Variants in GABRB2 observed in about 807,000 individuals in gnomAD.
GABRB2 encodes gamma-aminobutyric acid receptor subunit beta-2.
GABRB2 carries 16 observed loss-of-function variants against 54.7 expected under a neutral mutation model. The observed-to-expected ratio is 0.29, with a 90% CI of 0.20 to 0.44. GABRB2 has a LOEUF of 0.44. Ranked by LOEUF, GABRB2 falls within the 20% of genes least tolerant of loss-of-function variation. GABRB2 has a pLI of 1.00. For missense variants in GABRB2, 355 were observed against 644.0 expected (o/e 0.55, Z 4.86); for synonymous variants, 244 against 233.8 (o/e 1.04, Z -0.40).
intron 3 of GABRB2, among the ~76,000 whole-genome samples, chr5:161,491,448 G>A (rs1244932610): frequency 2.6e-5 from 4 of 151,602 alleles, no homozygotes; most frequent in African/African-American, 7.3e-5. Flanking sequence ...TGGGAATTAT[G>A]CAAATTAAAC....
intron 5 of GABRB2, among the ~76,000 whole-genome samples, chr5:161,402,694 A>T (rs901323977): frequency 2.0e-5 from 3 of 152,196 alleles, no homozygotes; most frequent in South Asian, 4.1e-4. Flanking sequence ...CTGCACCAGC[A>T]GTATCTGTAT....
At chr5:161,303,492 C>T (rs1757596575) in intron 9 of GABRB2, among the ~76,000 whole-genome samples, 1 of 152,036 alleles carries the variant, frequency 6.6e-6, no homozygotes, top group Non-Finnish European at 1.5e-5. Flanking sequence ...AATAATTAAT[C>T]TGATCAAGTG....
At chr5:161,459,294 A>C in intron 4 of GABRB2, 1 of 313,356 alleles carries the variant, frequency 3.2e-6, no homozygotes, top group South Asian at 3.5e-5. Context: ...TATTCAAACA[A>C]TTAGTTGGCA....
intron 5 of GABRB2, among the ~76,000 whole-genome samples, chr5:161,354,908 T>C (rs1754570656): frequency 6.6e-6 from 1 of 152,074 alleles, no homozygotes; most frequent in African/African-American, 2.4e-5. Context: ...TACTACTTTT[T>C]CCCCTGCTCT....
chr5:161,454,955 A>G (rs982325911), intron 4 of GABRB2, among the ~76,000 whole-genome samples: 1 of 152,240 alleles, frequency 6.6e-6, no homozygotes, highest in Non-Finnish European at 1.5e-5. Context: ...AACTAAGAGT[A>G]TGCTGCAATC....
intron 5 of GABRB2, among the ~76,000 whole-genome samples, chr5:161,353,986 C>T (rs766860150): frequency 7.2e-5 from 11 of 151,942 alleles, no homozygotes; most frequent in Admixed American, 1.3e-4. Context: ...TATAGAGCTA[C>T]GGTTTTACAC....
chr5:161,299,665 T>C (rs979464658), intron 9 of GABRB2, among the ~76,000 whole-genome samples: 13 of 152,204 alleles, frequency 8.5e-5, no homozygotes, highest in Middle Eastern at 3.4e-3. Flanking sequence ...CTCTTCCTCC[T>C]TCTTATTCCT....
chr5:161,400,513 A>G (rs1580952992), intron 5 of GABRB2, among the ~76,000 whole-genome samples: 1 of 152,118 alleles, frequency 6.6e-6, no homozygotes, highest in East Asian at 1.9e-4. Flanking sequence ...TTTAGATCTA[A>G]TGGGCAATTT....
Position 161,293,900 on chromosome 5 carries a change from T to C in GABRB2, c.*181A>G. The C allele has an allele frequency of 1.7e-6, 1 of 588,118 alleles. No individual in the cohort carries two copies. Among genetic ancestry groups the C allele is most frequent in the South Asian group, 2.2e-5 (1 of 45,352 alleles). The allele number at this position is 588,118 out of a possible 1,614,324, so 36.4% of individuals were successfully genotyped here. On this transcript the variant is annotated 3_prime_UTR_variant, in exon 10 of 10. Coordinates refer to ENST00000393959, the MANE Select transcript of GABRB2 (RefSeq NM_001371727.1). ...AACTGGAAAACCACAAGGACCTTAG[T>C]GTATTCATTACTTAGCAGAAGCAAC... is the stretch of plus-strand genomic sequence containing the variant.
Position 161,288,760 on chromosome 5 carries a change from T to G in GABRB2, c.*5321A>C. On this transcript the variant is annotated 3_prime_UTR_variant, in exon 10 of 10. Transcript: ENST00000393959. ...GATAATCACTACATTGTGAAGAAAC[T>G]AGAATATCACTTTTTTTTTTTATAA... 6.6e-6 allele frequency: 1 copy of G among 151,534 alleles called. No homozygotes were observed. The allele number at this position is 151,534 out of a possible 1,614,324, so 9.4% of individuals were successfully genotyped here. A position where few individuals can be genotyped will look rare whatever the true frequency, so the allele number is the denominator to read the frequency against.
intron 7 of GABRB2, among the ~76,000 whole-genome samples, chr5:161,332,932 C>T (rs1753893515): frequency 6.6e-6 from 1 of 152,096 alleles, no homozygotes; most frequent in Non-Finnish European, 1.5e-5. Context: ...TTACATTTCT[C>T]GTGTCCTCTT....
At chr5:161,427,761 A>G (rs1757045417) in intron 4 of GABRB2, among the ~76,000 whole-genome samples, 2 of 152,230 alleles carry the variant, frequency 1.3e-5, no homozygotes, top group African/African-American at 4.8e-5. Context: ...AGGTAAAGAT[A>G]TATTTCTGTC....
chr5:161,465,252 G>A (rs1466124700), intron 3 of GABRB2, among the ~76,000 whole-genome samples: 1 of 151,122 alleles, frequency 6.6e-6, no homozygotes, highest in Non-Finnish European at 1.5e-5. Context: ...GACATCTGGA[G>A]GGAAAAAAAA....
chr5:161,318,240 G>T (rs144682281), intron 9 of GABRB2, among the ~76,000 whole-genome samples: 2,238 of 151,956 alleles, frequency 0.015, 30 homozygotes, highest in South Asian at 0.028. Flanking sequence ...TTTTTGCAAG[G>T]TTAAGAATAC....
chr5:161,509,711 A>C (rs1759708314), intron 3 of GABRB2, among the ~76,000 whole-genome samples: 1 of 151,934 alleles, frequency 6.6e-6, no homozygotes, highest in Non-Finnish European at 1.5e-5. Flanking sequence ...GATGCAAACT[A>C]ATCAATCAGA....
intron 9 of GABRB2, among the ~76,000 whole-genome samples, chr5:161,299,694 T>C (rs1265520004): frequency 2.0e-5 from 3 of 152,054 alleles, no homozygotes; most frequent in Admixed American, 1.3e-4. Context: ...CCTGCTCCCT[T>C]CTCTCTTTCT....
chr5:161,366,204 T>C (rs2113460130), intron 5 of GABRB2, among the ~76,000 whole-genome samples: 1 of 152,036 alleles, frequency 6.6e-6, no homozygotes, highest in East Asian at 1.9e-4. Flanking sequence ...ATGACAGTCA[T>C]AGAATGGGAA....
intron 9 of GABRB2, among the ~76,000 whole-genome samples, chr5:161,305,141 C>T (rs1402080251): frequency 6.6e-6 from 1 of 150,894 alleles, no homozygotes; most frequent in Non-Finnish European, 1.5e-5. Context: ...CTCAGCCTCC[C>T]GAGTAGCTGG....
intron 5 of GABRB2, among the ~76,000 whole-genome samples, chr5:161,385,356 G>A (rs1237727561): frequency 6.6e-6 from 1 of 152,044 alleles, no homozygotes; most frequent in Non-Finnish European, 1.5e-5. Flanking sequence ...CTCTCTCCTT[G>A]TTCCTTTCTC....
Sources: gnomAD v4.1 joint callset for allele counts (sites outside exome capture counted in the v4.1 genomes callset) on GRCh38, gnomAD v4.1.1 for gene constraint, MANE v1.5 for transcripts, NCBI Gene and HGNC (gene_info 2026-07-23, HGNC 2026-07-21) for gene names.